The following CTR9 variants were observed in gnomAD, a reference collection of about 807,000 sequenced individuals.
CTR9 encodes CTR9 component of Paf1/RNA polymerase II complex.
CTR9 carries 41 observed loss-of-function variants against 152.1 expected under a neutral mutation model. That is an observed-to-expected ratio of 0.27 (90% CI 0.21 to 0.35). CTR9 has a LOEUF of 0.35. Among genes scored for constraint, CTR9 ranks in the 10% least tolerant of loss-of-function variants. CTR9 has a pLI of 1.00. For missense variants in CTR9, 917 were observed against 1,424.4 expected (o/e 0.64, Z 5.73); for synonymous variants, 476 against 496.2 (o/e 0.96, Z 0.54).
chr11:10,755,162 T>C lies in CTR9; in HGVS notation c.349T>C (p.Tyr117His). The C allele has an allele frequency of 6.2e-7, 1 of 1,612,202 alleles. No individual in the cohort carries two copies. The highest frequency in any genetic ancestry group is 8.5e-7 in the Non-Finnish European group (1 of 1,179,302). ...TCTTATTACACAGGCCACCTTGTTG[T>C]ATACAATGGCCGATAAAATTATTAT... ...KDLITQATLLYTMADKIIMYD... is the reference protein window; with the variant it reads ...KDLITQATLLHTMADKIIMYD... Residue 117 changes from tyrosine to histidine, a missense_variant, in exon 3 of 25, where the codon TAT becomes CAT. Physicochemically the swap from Tyr to His is moderately conservative, Grantham distance 83. Around this residue, in one of 9 missense-constraint regions of CTR9, gnomAD observed 67 missense variants for 106.9 expected, o/e 0.63. Coordinates refer to ENST00000361367, the MANE Select transcript of CTR9 (RefSeq NM_014633.5).
chr11:10,757,462 G>A (rs896160460), intron 5 of CTR9, among the ~76,000 whole-genome samples: 4 of 151,080 alleles, frequency 2.6e-5, no homozygotes, highest in South Asian at 2.1e-4. Context: ...GCTTGTGGTC[G>A]CACCTACACA....
At position 10,760,464 on chromosome 11, in the gene CTR9, C is replaced by T. The variant is rs934891295; in HGVS notation, c.741+143C>T. 17 of 726,008 alleles carry T rather than the reference C, an allele frequency of 2.3e-5. No homozygotes were observed. The African/African-American group carries it at 3.0e-4, about 13-fold the overall frequency. 45.0% of individuals were successfully genotyped at this position (726,008 alleles called of 1,614,324 possible). A position where few individuals can be genotyped will look rare whatever the true frequency, so the allele number is the denominator to read the frequency against. On this transcript the variant is annotated intron_variant, in intron 6 of 24. Transcript: ENST00000361367. ...TACCTGTACTTTGTAATGTATAACA[C>T]CTAGTTATTGGGGCACTACCCCAAA...
rs142790875 is a variant in CTR9 at position 10,761,674 on chromosome 11, C to T, written c.742-273C>T. Among the ~76,000 whole-genome samples, 533 of 151,684 alleles carry T rather than the reference C, an allele frequency of 3.5e-3. 2 individuals carry two copies. Among genetic ancestry groups the T allele is most frequent in the African/African-American group, 0.012 (503 of 41,354 alleles). On this transcript the variant is annotated intron_variant, in intron 6 of 24. Transcript: ENST00000361367. ...TGGCTCTTTGTGGGAGAAGTAGGGG[C>T]AGGGACTAATAAAGTAGATGAGATA...
chr11:10,760,917 C>G (rs1260244505), intron 6 of CTR9, among the ~76,000 whole-genome samples: 1 of 152,162 alleles, frequency 6.6e-6, no homozygotes, highest in East Asian at 1.9e-4. Context: ...CTCATTATTA[C>G]ATCGGTCTTA....
At chr11:10,773,014 G>A (rs1221744760) in intron 20 of CTR9, 113 bp from the exon 21 acceptor site, 2 of 1,222,214 alleles carry the variant, frequency 1.6e-6, no homozygotes, top group Non-Finnish European at 2.3e-6. Context: ...GCAACAGAGT[G>A]AGACTCCATC....
At chr11:10,775,438 G>A in intron 23 of CTR9, 83 bp from the exon 24 acceptor site, 2 of 1,374,564 alleles carry the variant, frequency 1.5e-6, no homozygotes, top group Admixed American at 1.9e-5. Flanking sequence ...CTGTTTGATT[G>A]TATCATTGTA....
chr11:10,753,788 T>A (rs1862842066), intron 2 of CTR9, among the ~76,000 whole-genome samples: 1 of 151,932 alleles, frequency 6.6e-6, no homozygotes, highest in Non-Finnish European at 1.5e-5. Context: ...TGTAGTAGAA[T>A]AAATTAATGA....
rs1207980168 is a variant in CTR9, at chr11:10,771,529, T to G, written c.2373-16T>G. 1.2e-5 allele frequency: 18 copies of G among 1,547,328 alleles called. No individual in the cohort carries two copies. Among genetic ancestry groups the G allele is most frequent in the Non-Finnish European group, 1.4e-5 (16 of 1,120,702 alleles). On this transcript the variant is annotated splice_polypyrimidine_tract_variant and intron_variant, in intron 18 of 24. Coordinates refer to ENST00000361367, the MANE Select transcript of CTR9 (RefSeq NM_014633.5). The stretch of plus-strand genomic sequence containing the variant: ...TCTCTTTTTTTAAAAGTGAAGTATT[T>G]TCTCGTTTCATTTAGATACTTCAGT...
chr11:10,768,238 T>C, intron 15 of CTR9, 77 bp downstream of exon 15: 1 of 1,576,982 alleles, frequency 6.3e-7, no homozygotes, highest in Non-Finnish European at 8.7e-7. Flanking sequence ...AAATCAGAAT[T>C]TTTCTTAAAA....
intron 4 of CTR9, 78 bp from the exon 5 acceptor site, chr11:10,756,671 T>G: frequency 1.1e-6 from 1 of 930,376 alleles, no homozygotes; most frequent in South Asian, 1.7e-5. Flanking sequence ...TGTATTTAAC[T>G]TAGATAAGTT....
chr11:10,775,576 T>C lies in CTR9; in HGVS notation c.3038T>C (p.Ile1013Thr), dbSNP rs1199013162. 6.2e-7 allele frequency: 1 copy of C among 1,613,880 alleles called. No individual in the cohort carries two copies. The highest frequency in any genetic ancestry group is 1.1e-5 in the South Asian group (1 of 91,056). Residue 1013 changes from isoleucine (I) to threonine (T), a missense_variant, in exon 24 of 25, where the codon ATA becomes ACA. Physicochemically the swap from Ile to Thr is moderately conservative, Grantham distance 89. Around this residue, in one of 9 missense-constraint regions of CTR9, gnomAD observed 384 missense variants for 398.4 expected, o/e 0.96. Coordinates refer to ENST00000361367, the MANE Select transcript of CTR9 (RefSeq NM_014633.5). ...AAGGGAAAAATAAAATCCAAAGCCA[T>C]AATTTCATCAAGTGATGACTCTTCG... ...SMKGKIKSKA[I>T]ISSSDDSSDE...
Position 10,756,790 on chromosome 11 carries a change from G to A in CTR9, c.544G>A (p.Ala182Thr). The A allele has an allele frequency of 2.5e-6, 4 of 1,611,790 alleles. No individual in the cohort carries two copies. Among genetic ancestry groups the A allele is most frequent in the Non-Finnish European group, 3.4e-6 (4 of 1,179,432 alleles). The change falls in exon 5 of 25, where the codon GCT becomes ACT. Residue 182 changes from alanine to threonine, a missense_variant. Ala to Thr is a moderately conservative substitution (Grantham distance 58). Transcript: ENST00000361367. ...CTTCAACAAGAAGGATTACAGAGGA[G>A]CTCTTGCTTACTATAAGAAAGCATT... ...ISFNKKDYRG[A>T]LAYYKKALRT...
chr11:10,765,258 C>T (rs751305141), intron 12 of CTR9, among the ~76,000 whole-genome samples: 4 of 152,132 alleles, frequency 2.6e-5, no homozygotes, highest in Admixed American at 2.6e-4. Flanking sequence ...GCAGCGGGAT[C>T]GCTTGAGTCC....
At chr11:10,774,945 A>G (rs1228662839) in intron 22 of CTR9, among the ~76,000 whole-genome samples, 2 of 152,186 alleles carry the variant, frequency 1.3e-5, no homozygotes, top group African/African-American at 4.8e-5. Flanking sequence ...TCACTCTACC[A>G]AGTGCAAGAT....
chr11:10,775,601 G>A lies in CTR9; in HGVS notation c.3063G>A (p.Ser1021=), dbSNP rs182230438. The A allele has an allele frequency of 5.1e-5, 82 of 1,612,614 alleles. 1 individual carries two copies. The highest frequency in any genetic ancestry group is 1.7e-4 in the Middle Eastern group (1 of 6,058). ...KAIISSSDDS[S]DEDKLKIADE... The stretch of plus-strand genomic sequence containing the variant: ...TAATTTCATCAAGTGATGACTCTTC[G>A]GATGAGGATAAACTTAAAATTGCTG... Residue 1021 remains serine, a synonymous_variant, in exon 24 of 25, where the codon TCG becomes TCA. Transcript: ENST00000361367.
Position 10,776,508 on chromosome 11 carries a change from C to T in CTR9, c.3095+875C>T, listed in dbSNP as rs563388766. On this transcript the variant is annotated intron_variant, in intron 24 of 24. Transcript: ENST00000361367. The stretch of plus-strand genomic sequence containing the variant: ...CTCAACCAGGTCTCTTAATACTGTA[C>T]TACACTGTGTTCTTCTGTAGCCATC... Among the ~76,000 whole-genome samples the T allele has an allele frequency of 4.7e-4, 71 of 152,288 alleles. 1 individual carries two copies. The highest frequency in any genetic ancestry group is 9.6e-4 in the Non-Finnish European group (65 of 68,016).
Position 10,779,024 on chromosome 11 carries a change from T to C in CTR9, c.3441T>C (p.Ser1147=), listed in dbSNP as rs752910467. 3.5e-5 allele frequency: 56 copies of C among 1,614,168 alleles called. No individual in the cohort carries two copies. The highest frequency in any genetic ancestry group is 4.6e-5 in the Non-Finnish European group (54 of 1,180,036). The change falls in exon 25 of 25, where the codon TCT becomes TCC. Residue 1147 remains serine, a synonymous_variant. Coordinates refer to ENST00000361367, the MANE Select transcript of CTR9 (RefSeq NM_014633.5). ...ATAATGAGGGTTCTGGCCAAGGCTC[T>C]GGAAATGAATCGGAACCAGAGGGAT... ...GSDNEGSGQG[S]GNESEPEGSN...
intron 20 of CTR9, 88 bp downstream of exon 20, chr11:10,772,743 G>C: frequency 7.5e-7 from 1 of 1,329,468 alleles, no homozygotes; most frequent in African/African-American, 1.5e-5. Flanking sequence ...TCCTCTGCCA[G>C]GCGTGGTGGC....
rs571625982 is a variant in CTR9 at position 10,772,843 on chromosome 11, A to G, written c.2580+188A>G. On this transcript the variant is annotated intron_variant, in intron 20 of 24. Transcript: ENST00000361367. ...GGAGTTCGAGACCAGCCTGGCCAACATGGTGGAACCCCGTCTCTACTAAAA... is the reference window on the plus strand; with the variant it reads ...GGAGTTCGAGACCAGCCTGGCCAACGTGGTGGAACCCCGTCTCTACTAAAA... Among the ~76,000 whole-genome samples, 399 of 152,146 alleles carry G rather than the reference A, an allele frequency of 2.6e-3. 1 individual carries two copies. The highest frequency in any genetic ancestry group is 9.4e-3 in the African/African-American group (388 of 41,492).
Sources: allele counts gnomAD v4.1 joint callset (sites outside exome capture counted in the v4.1 genomes callset), GRCh38; gene constraint gnomAD v4.1.1; regional missense constraint gnomAD v4.1.1; transcripts MANE v1.5; gene names NCBI Gene and HGNC (gene_info 2026-07-23, HGNC 2026-07-21).